DCP1A: variants seen among roughly 807,000 people sequenced by gnomAD.
The protein encoded by DCP1A is mRNA-decapping enzyme 1A.
Under a neutral mutation model 58.0 loss-of-function variants are expected in DCP1A, and 20 were observed. The ratio of observed to expected loss-of-function variants is 0.34; its 90% confidence interval spans 0.24 to 0.50. The LOEUF is 0.50. Ranked by LOEUF, DCP1A falls within the 20% of genes least tolerant of loss-of-function variation. The pLI is 0.98. For synonymous variants in DCP1A, 285 were observed against 275.1 expected, an observed-to-expected ratio of 1.04 and a Z score of -0.36; for missense variants, 613 against 712.2, an observed-to-expected ratio of 0.86 and a Z score of 1.59.
intron 6 of DCP1A, among the ~76,000 whole-genome samples, chr3:53,298,166 T>C (rs1436608826): frequency 5.9e-5 from 9 of 152,192 alleles, no homozygotes; most frequent in African/African-American, 2.2e-4. Context: ...TACAGTGAGC[T>C]ATGATCAGGC....
intron 3 of DCP1A, among the ~76,000 whole-genome samples, chr3:53,326,945 T>C (rs745854008): frequency 6.6e-6 from 1 of 151,468 alleles, no homozygotes; most frequent in Non-Finnish European, 1.5e-5. Context: ...GTGTAAATGA[T>C]TACGGTTCTG....
chr3:53,321,898 GAAGA>G (rs1377437571), intron 3 of DCP1A, among the ~76,000 whole-genome samples: 3 of 152,088 alleles, frequency 2.0e-5, no homozygotes, highest in African/African-American at 7.2e-5. Flanking sequence ...ACACATAAAA[GAAGA>G]AAGCCTATAC....
chr3:53,334,404 C>T (rs1210909528), intron 3 of DCP1A, among the ~76,000 whole-genome samples: 1 of 152,088 alleles, frequency 6.6e-6, no homozygotes, highest in Non-Finnish European at 1.5e-5. Context: ...TTGATTTCTG[C>T]CATTTTATTT....
chr3:53,289,406 T>C (rs1348569239), intron 8 of DCP1A, among the ~76,000 whole-genome samples: 1 of 150,414 alleles, frequency 6.6e-6, no homozygotes, highest in Non-Finnish European at 1.5e-5. Flanking sequence ...AGGTCAGGAG[T>C]TCAAGACCAG....
intron 1 of DCP1A, among the ~76,000 whole-genome samples, chr3:53,345,907 A>G (rs1553693091): frequency 2.0e-5 from 3 of 152,212 alleles, no homozygotes; most frequent in Admixed American, 2.0e-4. Flanking sequence ...ATGCAAAGTT[A>G]CAACTCACTG....
chr3:53,330,305 G>T (rs1237780207), intron 3 of DCP1A, among the ~76,000 whole-genome samples: 1 of 152,156 alleles, frequency 6.6e-6, no homozygotes, highest in East Asian at 1.9e-4. Context: ...GCTGAGGTGG[G>T]AAGATCGCTT....
chr3:53,312,404 G>A (rs1553688790), intron 4 of DCP1A, 25 bp from the exon 5 acceptor site: 4 of 1,538,192 alleles, frequency 2.6e-6, no homozygotes, highest in African/African-American at 2.8e-5. Context: ...CAAGGTTTTA[G>A]AAAGGCCTCT....
chr3:53,293,034 A>T (rs1321705768), intron 6 of DCP1A, among the ~76,000 whole-genome samples: 4 of 152,108 alleles, frequency 2.6e-5, no homozygotes. Context: ...TGCATTGGTA[A>T]TATAATTCAA....
chr3:53,316,015 A>T (rs1460782294), intron 4 of DCP1A, among the ~76,000 whole-genome samples: 1 of 151,946 alleles, frequency 6.6e-6, no homozygotes, highest in African/African-American at 2.4e-5. Flanking sequence ...TGGCCTCCCA[A>T]AGCGCTGGGA....
At chr3:53,323,895 C>T (rs2106860730) in intron 3 of DCP1A, among the ~76,000 whole-genome samples, 1 of 148,846 alleles carries the variant, frequency 6.7e-6, no homozygotes, top group South Asian at 2.1e-4. Context: ...TTATGATATG[C>T]AACACATCAG....
intron 3 of DCP1A, among the ~76,000 whole-genome samples, chr3:53,324,395 GA>G (rs1708056028): frequency 6.6e-6 from 1 of 152,184 alleles, no homozygotes; most frequent in East Asian, 1.9e-4. Flanking sequence ...CATGAGGAAA[GA>G]CAGACAAGTT....
chr3:53,286,458 T>G lies in DCP1A; in HGVS notation c.*1122A>C, dbSNP rs576373866. 1 of 152,136 alleles carries G rather than the reference T, an allele frequency of 6.6e-6. No homozygotes were observed. Among genetic ancestry groups the G allele is most frequent in the East Asian group, 1.9e-4 (1 of 5,196 alleles). The allele number at this position is 152,136 out of a possible 1,614,324, so 9.4% of individuals were successfully genotyped here. On this transcript the variant is annotated 3_prime_UTR_variant, in exon 10 of 10. Transcript: ENST00000610213. Reference sequence around the variant, plus strand: ...CCATTACATGCCATAAAAGAATAAATAGAAATCATGGCAGATCAATAGCAG... The same window carrying G: ...CCATTACATGCCATAAAAGAATAAAGAGAAATCATGGCAGATCAATAGCAG...
intron 3 of DCP1A, among the ~76,000 whole-genome samples, chr3:53,337,426 T>C (rs1553692069): frequency 6.6e-6 from 1 of 152,218 alleles, no homozygotes; most frequent in Non-Finnish European, 1.5e-5. Context: ...GAGTCTAGAA[T>C]GGAGACACAG....
At chr3:53,313,563 T>C (rs1350459598) in intron 4 of DCP1A, among the ~76,000 whole-genome samples, 3 of 152,188 alleles carry the variant, frequency 2.0e-5, no homozygotes, top group Non-Finnish European at 4.4e-5. Flanking sequence ...TATTATTTCC[T>C]ATATTTTTCT....
rs998191983 is a variant in DCP1A, at chr3:53,295,585, C to A, written c.625-2758G>T. 4.6e-5 allele frequency among the ~76,000 whole-genome samples: 7 copies of A among 152,106 alleles called. No homozygotes were observed. The South Asian group carries it at 6.2e-4, about 14-fold the overall frequency. On this transcript the variant is annotated intron_variant, in intron 6 of 9. Coordinates refer to ENST00000610213, the MANE Select transcript of DCP1A (RefSeq NM_018403.7). ...CTTTTTTTTGAGACAGGGTCTCATTCAGTCAGACTGGAGTGCAGTGGTGTG... is the reference window on the plus strand; with the variant it reads ...CTTTTTTTTGAGACAGGGTCTCATTAAGTCAGACTGGAGTGCAGTGGTGTG...
At chr3:53,331,107 T>C (rs2088991711) in intron 3 of DCP1A, among the ~76,000 whole-genome samples, 1 of 152,174 alleles carries the variant, frequency 6.6e-6, no homozygotes, top group South Asian at 2.1e-4. Flanking sequence ...TCCGCCTGGC[T>C]TGGCCTCCCA....
intron 3 of DCP1A, among the ~76,000 whole-genome samples, chr3:53,323,427 C>T (rs1708026150): frequency 6.6e-6 from 1 of 152,212 alleles, no homozygotes; most frequent in African/African-American, 2.4e-5. Flanking sequence ...ATGGCAATTA[C>T]ATAGGACTAC....
intron 5 of DCP1A, among the ~76,000 whole-genome samples, chr3:53,310,754 G>A (rs1248119715): frequency 1.3e-5 from 2 of 152,148 alleles, no homozygotes; most frequent in South Asian, 4.1e-4. Flanking sequence ...CTAATTCTCT[G>A]TGAGACATTG....
At chr3:53,338,242 TG>T in intron 3 of DCP1A, 1 of 353,402 alleles carries the variant, frequency 2.8e-6, no homozygotes. Context: ...GCAATCCCAC[TG>T]GGGTCTTGTG....
Sources: gnomAD v4.1 joint callset for allele counts (sites outside exome capture counted in the v4.1 genomes callset) on GRCh38, gnomAD v4.1.1 for gene constraint, MANE v1.5 for transcripts, NCBI Gene and HGNC (gene_info 2026-07-23, HGNC 2026-07-21) for gene names.